The following VCF1 variants were observed in gnomAD, a reference collection of about 807,000 sequenced individuals.
VCF1 encodes the protein VCP nuclear cofactor family member 1, also known as protein VCF1.
the VCF1 span, among the ~76,000 whole-genome samples, chr17:73,224,268 A>C: frequency 6.6e-6 from 1 of 150,964 alleles, no homozygotes; most frequent in East Asian, 1.9e-4. Context: ...CTCTCCAAAA[A>C]AAAAAAAAAA....
chr17:73,225,544 G>A, the VCF1 span, among the ~76,000 whole-genome samples: 5 of 151,860 alleles, frequency 3.3e-5, no homozygotes, highest in East Asian at 5.8e-4. Context: ...GGAAAAAAAC[G>A]TTAATACAGA....
At chr17:73,230,459 G>T in the VCF1 span, among the ~76,000 whole-genome samples, 12 of 151,670 alleles carry the variant, frequency 7.9e-5, 1 homozygote, top group Admixed American at 7.9e-4. Context: ...TGAGTGCAGT[G>T]ATCTCCGCTC....
At chr17:73,209,744 T>C in the VCF1 span, 2 of 1,542,856 alleles carry the variant, frequency 1.3e-6, no homozygotes, top group South Asian at 2.4e-5. Context: ...CTGCTGCTGC[T>C]CCCACCACTG....
chr17:73,214,052 T>C, the VCF1 span, among the ~76,000 whole-genome samples: 5 of 152,240 alleles, frequency 3.3e-5, no homozygotes, highest in Non-Finnish European at 7.3e-5. Context: ...TGAAAAGTAT[T>C]GATACTGCCA....
chr17:73,222,351 C>A, the VCF1 span, among the ~76,000 whole-genome samples: 1 of 151,670 alleles, frequency 6.6e-6, no homozygotes, highest in African/African-American at 2.4e-5. Context: ...AACACAAGAC[C>A]ACATTTTTGT....
At chr17:73,209,491 C>G in the VCF1 span, 2 of 1,556,590 alleles carry the variant, frequency 1.3e-6, no homozygotes, top group Non-Finnish European at 1.7e-6. Flanking sequence ...ATCTGCACAG[C>G]GCTGTCCCTT....
At chr17:73,213,403 C>T in the VCF1 span, among the ~76,000 whole-genome samples, 1 of 152,096 alleles carries the variant, frequency 6.6e-6, no homozygotes, top group African/African-American at 2.4e-5. Context: ...TAGAGACATA[C>T]ATATACTAAC....
the VCF1 span, among the ~76,000 whole-genome samples, chr17:73,215,992 A>G: frequency 6.6e-6 from 1 of 152,096 alleles, no homozygotes; most frequent in Admixed American, 6.6e-5. Flanking sequence ...AGTGAGTGAG[A>G]GGGAAACTGC....
chr17:73,227,338 A>G, the VCF1 span: 1 of 1,206,682 alleles, frequency 8.3e-7, no homozygotes, highest in Non-Finnish European at 1.1e-6. Flanking sequence ...ATTGCAAACC[A>G]TAACAACATA....
the VCF1 span, among the ~76,000 whole-genome samples, chr17:73,226,771 T>G: frequency 6.6e-6 from 1 of 152,246 alleles, no homozygotes; most frequent in Non-Finnish European, 1.5e-5. Flanking sequence ...ATATTTTACA[T>G]GCTTAAAGTT....
the VCF1 span, chr17:73,208,262 G>T: frequency 1.2e-6 from 2 of 1,611,034 alleles, no homozygotes; most frequent in Non-Finnish European, 8.5e-7. Context: ...GGGCGAGTGG[G>T]CAGGAGGGCT....
At chr17:73,209,719 A>C in the VCF1 span, 31 of 1,474,504 alleles carry the variant, frequency 2.1e-5, no homozygotes, top group Admixed American at 6.1e-4. Context: ...CGGGCTATTG[A>C]TGCTGCTGCT....
chr17:73,219,019 CA>C, the VCF1 span, among the ~76,000 whole-genome samples: 131 of 138,602 alleles, frequency 9.5e-4, no homozygotes, highest in Admixed American at 9.5e-4. Flanking sequence ...GACTCCGTCT[CA>C]AAAAAAAAAA....
the VCF1 span, chr17:73,207,494 T>C: frequency 1.4e-5 from 9 of 631,914 alleles, no homozygotes; most frequent in Non-Finnish European, 1.9e-5. Flanking sequence ...GTAGAAAATA[T>C]ACAGGACAGG....
the VCF1 span, chr17:73,208,151 T>C: frequency 2.0e-6 from 3 of 1,517,910 alleles, no homozygotes; most frequent in Non-Finnish European, 2.6e-6. Flanking sequence ...TTCCGTGTCC[T>C]CTTCAAATCT....
chr17:73,231,834 G>C, the VCF1 span, among the ~76,000 whole-genome samples: 5 of 151,842 alleles, frequency 3.3e-5, no homozygotes, highest in African/African-American at 1.2e-4. Context: ...GTTCCAAATA[G>C]GAAAAGACAG....
the VCF1 span, among the ~76,000 whole-genome samples, chr17:73,222,713 G>T: frequency 2.0e-5 from 3 of 151,108 alleles, no homozygotes; most frequent in Non-Finnish European, 4.4e-5. Flanking sequence ...GGAGGTGGAG[G>T]TTGCAGTGAG....
chr17:73,212,074 A>G, the VCF1 span, among the ~76,000 whole-genome samples: 1 of 152,210 alleles, frequency 6.6e-6, no homozygotes, highest in African/African-American at 2.4e-5. Flanking sequence ...CACAGTAGTT[A>G]TATTAGGATG....
the VCF1 span, among the ~76,000 whole-genome samples, chr17:73,213,356 A>G: frequency 6.6e-6 from 1 of 152,238 alleles, no homozygotes. Flanking sequence ...TAATATACAT[A>G]TATGATGAAA....
Sources: gnomAD v4.1 joint callset for allele counts (sites outside exome capture counted in the v4.1 genomes callset) on GRCh38, gnomAD v4.1.1 for gene constraint, MANE v1.5 for transcripts, NCBI Gene and HGNC (gene_info 2026-07-23, HGNC 2026-07-21) for gene names.